COL6A6: variants seen among roughly 807,000 people sequenced by gnomAD.
COL6A6 encodes collagen alpha-6(VI) chain.
Under a neutral mutation model 208.6 loss-of-function variants are expected in COL6A6, and 183 were observed. The observed-to-expected ratio is 0.88, with a 90% CI of 0.78 to 0.99. COL6A6 has a LOEUF of 0.99. Among genes scored for constraint, COL6A6 ranks in the 50% least tolerant of loss-of-function variants. COL6A6 has a pLI of 0.00. For missense variants in COL6A6, 2,816 were observed against 2,815.2 expected, an observed-to-expected ratio of 1.00 and a Z score of -0.01; for synonymous variants, 973 against 1,011.8, an observed-to-expected ratio of 0.96 and a Z score of 0.73.
At chr3:130,667,206 A>C (rs897267047) in intron 36 of COL6A6, among the ~76,000 whole-genome samples, 2 of 152,252 alleles carry the variant, frequency 1.3e-5, no homozygotes, top group African/African-American at 4.8e-5. Context: ...AGTAAGTGAT[A>C]AAGTTTATCA....
rs1207445450 is a variant in COL6A6 at position 130,566,786 on chromosome 3, A to G, written c.1367A>G (p.Lys456Arg). Residue 456 changes from lysine (K) to arginine (R), a missense_variant, in exon 5 of 37, where the codon AAG (lysine) becomes AGG (arginine). Coordinates refer to ENST00000358511, the MANE Select transcript of COL6A6 (RefSeq NM_001102608.3). ...STQATDFHEM[K>R]TFLSEVVGMF... ...CAGGCCACAGATTTCCATGAAATGA[A>G]GACGTTCCTGTCAGAGGTGGTAGGG... 1.2e-6 allele frequency: 2 copies of G among 1,614,034 alleles called. No individual in the cohort carries two copies. Among genetic ancestry groups the G allele is most frequent in the African/African-American group, 1.3e-5 (1 of 75,056 alleles).
Position 130,568,622 on chromosome 3 carries a change from C to T in COL6A6, c.2401+18C>T. On this transcript the variant is annotated intron_variant, in intron 6 of 36. Coordinates refer to ENST00000358511, the MANE Select transcript of COL6A6 (RefSeq NM_001102608.3). ...CCGTGAAGGTAGGCATGGGCATACT[C>T]ACTAGCAGGACTATCCGAACAACAG... The T allele has an allele frequency of 6.4e-7, 1 of 1,570,706 alleles. No homozygotes were observed. Among genetic ancestry groups the T allele is most frequent in the Non-Finnish European group, 8.6e-7 (1 of 1,163,070 alleles).
At chr3:130,591,134 A>C in intron 13 of COL6A6, 40 bp downstream of exon 13, 1 of 1,390,568 alleles carries the variant, frequency 7.2e-7, no homozygotes, top group Non-Finnish European at 1.0e-6. Context: ...TATCCCTAAA[A>C]ACATCTACAA....
intron 1 of COL6A6, among the ~76,000 whole-genome samples, chr3:130,531,061 GTCTCTCTCTCTCTC>G (rs10662894): frequency 6.6e-5 from 9 of 136,584 alleles, no homozygotes; most frequent in Admixed American, 6.5e-4. Flanking sequence ...CACACACACA[GTCTCTCTCTCTCTC>G]TCTCTCTCTC....
chr3:130,586,685 G>A (rs774034944), intron 11 of COL6A6, 25 bp downstream of exon 11: 1 of 1,591,986 alleles, frequency 6.3e-7, no homozygotes. Context: ...AAAGGCTGGT[G>A]AGCTTAAATT....
intron 1 of COL6A6, among the ~76,000 whole-genome samples, chr3:130,539,406 C>A (rs1288410254): frequency 6.6e-6 from 1 of 152,108 alleles, no homozygotes; most frequent in Non-Finnish European, 1.5e-5. Flanking sequence ...GAGGCCGAGG[C>A]CGGTGGATCA....
intron 1 of COL6A6, among the ~76,000 whole-genome samples, chr3:130,556,491 T>G (rs2062770432): frequency 6.6e-6 from 1 of 152,220 alleles, no homozygotes; most frequent in Non-Finnish European, 1.5e-5. Flanking sequence ...TATTTTTAAC[T>G]ACAATTTCTT....
intron 20 of COL6A6, among the ~76,000 whole-genome samples, chr3:130,600,149 C>A (rs979351780): frequency 6.6e-6 from 1 of 152,206 alleles, no homozygotes; most frequent in African/African-American, 2.4e-5. Flanking sequence ...AAATTCTATT[C>A]TTTCTTTGCC....
At chr3:130,636,406 A>G (rs918881346) in intron 28 of COL6A6, among the ~76,000 whole-genome samples, 8 of 152,174 alleles carry the variant, frequency 5.3e-5, no homozygotes, top group African/African-American at 9.7e-5. Context: ...GACTCTCTAT[A>G]TATCTTAGAC....
intron 35 of COL6A6, among the ~76,000 whole-genome samples, chr3:130,663,253 CTA>C (rs2065983510): frequency 6.6e-6 from 1 of 152,050 alleles, no homozygotes; most frequent in South Asian, 2.1e-4. Flanking sequence ...AGTATATCCT[CTA>C]TGATTCAAAC....
intron 24 of COL6A6, among the ~76,000 whole-genome samples, chr3:130,625,312 G>A (rs1185672098): frequency 2.0e-5 from 3 of 152,188 alleles, no homozygotes; most frequent in South Asian, 4.1e-4. Flanking sequence ...TAAAAAAGAT[G>A]TGATGATTCC....
At chr3:130,548,444 C>T (rs1018913153) in intron 1 of COL6A6, among the ~76,000 whole-genome samples, 13 of 152,200 alleles carry the variant, frequency 8.5e-5, no homozygotes, top group Non-Finnish European at 1.8e-4. Flanking sequence ...TGTTTTCCTT[C>T]TCCCACATGC....
intron 26 of COL6A6, among the ~76,000 whole-genome samples, chr3:130,634,003 GTAAC>G (rs1433068469): frequency 2.3e-5 from 1 of 43,138 alleles, no homozygotes; most frequent in Admixed American, 4.7e-4. Flanking sequence ...GTATACATAT[GTAAC>G]TAACCTGCAC....
At chr3:130,522,158 T>C (rs540362845) in intron 1 of COL6A6, among the ~76,000 whole-genome samples, 13 of 152,336 alleles carry the variant, frequency 8.5e-5, no homozygotes, top group Admixed American at 2.6e-4. Context: ...AAGTAAATCA[T>C]GAATGGAATT....
At chr3:130,570,230 C>T (rs923441254) in intron 6 of COL6A6, among the ~76,000 whole-genome samples, 1 of 152,024 alleles carries the variant, frequency 6.6e-6, no homozygotes. Context: ...GGACCCAGTG[C>T]GAAGTGGGCT....
intron 19 of COL6A6, among the ~76,000 whole-genome samples, chr3:130,599,215 T>C (rs890491002): frequency 2.6e-5 from 4 of 152,208 alleles, no homozygotes; most frequent in African/African-American, 9.7e-5. Flanking sequence ...TATCTGCCAT[T>C]ATTAGTAAGT....
At position 130,608,523 on chromosome 3, in the gene COL6A6, AT is replaced by A. The variant is rs2064253178; in HGVS notation, c.4690-378del. ...AATTGATTTGAATATAAATATTAATATAATCGTGTAAGATGCTTGAAGATGT... is the reference window on the plus strand; with the variant it reads ...AATTGATTTGAATATAAATATTAATAAATCGTGTAAGATGCTTGAAGATGT... On this transcript the variant is annotated intron_variant, in intron 21 of 36. Coordinates refer to ENST00000358511, the MANE Select transcript of COL6A6 (RefSeq NM_001102608.3). Among the ~76,000 whole-genome samples the A allele has an allele frequency of 6.6e-5, 10 of 152,284 alleles. No homozygotes were observed. In the South Asian group the frequency reaches 2.1e-3, roughly 32 times the overall value.
At chr3:130,597,047 G>A (rs75191525) in intron 18 of COL6A6, among the ~76,000 whole-genome samples, 6,928 of 152,230 alleles carry the variant, frequency 0.046, 465 homozygotes, top group African/African-American at 0.15. Context: ...TCTGTAAAAT[G>A]TGCTGGTATA....
intron 1 of COL6A6, among the ~76,000 whole-genome samples, chr3:130,553,851 T>TTTTTG (rs145675929): frequency 6.7e-6 from 1 of 150,002 alleles, no homozygotes; most frequent in African/African-American, 2.4e-5. Flanking sequence ...TTTGTGTTTT[T>TTTTTG]TTTTGTTTTG....
Sources: gnomAD v4.1 joint callset for allele counts (sites outside exome capture counted in the v4.1 genomes callset) on GRCh38, gnomAD v4.1.1 for gene constraint, MANE v1.5 for transcripts, NCBI Gene and HGNC (gene_info 2026-07-23, HGNC 2026-07-21) for gene names.